INPP5D: variants seen among roughly 807,000 people sequenced by gnomAD.
INPP5D encodes the protein phosphatidylinositol 3,4,5-trisphosphate 5-phosphatase 1.
Under a neutral mutation model 122.9 loss-of-function variants are expected in INPP5D, and 33 were observed. That is an observed-to-expected ratio of 0.27 (90% CI 0.20 to 0.36). The LOEUF (loss-of-function observed/expected upper bound fraction) is 0.36. Among genes scored for constraint, INPP5D ranks in the 10% least tolerant of loss-of-function variants. The probability of loss-of-function intolerance (pLI) is 1.00; values close to 1 mark genes in which losing one functional copy is unlikely to be tolerated. For synonymous variants in INPP5D, 584 were observed against 576.2 expected, an observed-to-expected ratio of 1.01 and a Z score of -0.19; for missense variants, 1,053 against 1,412.7, an observed-to-expected ratio of 0.75 and a Z score of 4.08.
chr2:233,133,950 T>C (rs1258814561), intron 5 of INPP5D: 2 of 456,166 alleles, frequency 4.4e-6, no homozygotes, highest in Admixed American at 2.4e-5. Context: ...TCAACAGATA[T>C]TAGGTAAATG....
At chr2:233,104,420 T>C (rs1692408946) in intron 2 of INPP5D, among the ~76,000 whole-genome samples, 2 of 152,200 alleles carry the variant, frequency 1.3e-5, no homozygotes, top group African/African-American at 4.8e-5. Context: ...CTTTGCATGC[T>C]CGGTCACACT....
At position 233,184,398 on chromosome 2, in the gene INPP5D, CCT is replaced by C. The variant is rs771225713; in HGVS notation, c.2162-9_2162-8del. 2 of 1,613,704 alleles carry C rather than the reference CCT, an allele frequency of 1.2e-6. No homozygotes were observed. The highest frequency in any genetic ancestry group is 4.5e-5 in the East Asian group (2 of 44,858). ...TTGTGGAACTGAATCCGTGTTCTCC[CCT>C]GTTCCAGGTCCCGGGACTGTTGACA... On this transcript the variant is annotated splice_polypyrimidine_tract_variant and splice_region_variant and intron_variant, in intron 19 of 26. Transcript: ENST00000445964.
chr2:233,077,412 G>A (rs953289928), intron 1 of INPP5D, among the ~76,000 whole-genome samples: 10 of 152,132 alleles, frequency 6.6e-5, no homozygotes, highest in African/African-American at 2.2e-4. Flanking sequence ...TGTAATCCCA[G>A]CACTTTGGGA....
chr2:233,080,555 A>T (rs1691655431), intron 2 of INPP5D, among the ~76,000 whole-genome samples: 1 of 152,122 alleles, frequency 6.6e-6, no homozygotes, highest in Admixed American at 6.5e-5. Context: ...GCCGGGGTCG[A>T]CAAAGGTTTG....
At chr2:233,190,102 C>T (rs1423648481) in intron 22 of INPP5D, among the ~76,000 whole-genome samples, 165 bp downstream of exon 22, 1 of 152,198 alleles carries the variant, frequency 6.6e-6, no homozygotes, top group Non-Finnish European at 1.5e-5. Context: ...TCATCCTTCC[C>T]TCCCCACTAG....
At chr2:233,103,348 T>C (rs1278160399) in intron 2 of INPP5D, among the ~76,000 whole-genome samples, 3 of 152,234 alleles carry the variant, frequency 2.0e-5, no homozygotes, top group African/African-American at 7.2e-5. Context: ...TTTGCCTAAA[T>C]TGTACCTGAT....
At chr2:233,081,887 G>A (rs1280602784) in intron 2 of INPP5D, among the ~76,000 whole-genome samples, 1 of 152,112 alleles carries the variant, frequency 6.6e-6, no homozygotes, top group Non-Finnish European at 1.5e-5. Context: ...CAGCCTCCAC[G>A]GCTTTCTCCG....
intron 25 of INPP5D, among the ~76,000 whole-genome samples, chr2:233,203,004 T>A (rs148234739): frequency 4.6e-5 from 7 of 152,310 alleles, no homozygotes; most frequent in Non-Finnish European, 1.5e-5. Flanking sequence ...TAGGAGAGGC[T>A]TCCAGGGAGA....
At chr2:233,112,710 T>C (rs1282508132) in intron 2 of INPP5D, among the ~76,000 whole-genome samples, 1 of 152,182 alleles carries the variant, frequency 6.6e-6, no homozygotes, top group Non-Finnish European at 1.5e-5. Context: ...CTCACTCTGT[T>C]GCCTAGGCTG....
chr2:233,106,085 G>A (rs1372520964), intron 2 of INPP5D, among the ~76,000 whole-genome samples: 2 of 152,210 alleles, frequency 1.3e-5, no homozygotes, highest in Non-Finnish European at 2.9e-5. Flanking sequence ...ATGTCATGAA[G>A]TTTCAATAAG....
intron 3 of INPP5D, 90 bp downstream of exon 3, chr2:233,122,347 T>TA: frequency 7.4e-7 from 1 of 1,355,500 alleles, no homozygotes; most frequent in African/African-American, 1.5e-5. Flanking sequence ...TGAGTCCTAT[T>TA]ATCAGAGGGA....
At chr2:233,133,055 A>T (rs111758219) in intron 5 of INPP5D, among the ~76,000 whole-genome samples, 14 of 151,346 alleles carry the variant, frequency 9.3e-5, no homozygotes, top group Non-Finnish European at 1.8e-4. Context: ...CCCGAGTCCA[A>T]TGGAGAAGCT....
chr2:233,175,217 CAAAAA>C (rs1220185296), intron 17 of INPP5D, among the ~76,000 whole-genome samples: 4 of 68,616 alleles, frequency 5.8e-5, no homozygotes, highest in Non-Finnish European at 7.6e-5. Context: ...GACTCCATCT[CAAAAA>C]AAAAAAAAAA....
chr2:233,060,485 C>A lies in INPP5D; in HGVS notation c.7C>A (p.Pro3Thr). The A allele has an allele frequency of 6.2e-7, 1 of 1,607,812 alleles. No individual in the cohort carries two copies. The highest frequency in any genetic ancestry group is 2.2e-5 in the East Asian group (1 of 44,630). Residue 3 changes from proline to threonine, a missense_variant, in exon 1 of 27, where the codon CCC becomes ACC. By Grantham distance (38) the Pro-to-Thr change is conservative (BLOSUM62 -1). Coordinates refer to ENST00000445964, the MANE Select transcript of INPP5D (RefSeq NM_001017915.3). MV[P>T]CWNHGNITRS... is the part of the protein sequence containing the mutation. The stretch of plus-strand genomic sequence containing the variant: ...GAGGAGGCCCACGCCCACCATGGTC[C>A]CCTGCTGGAACCATGGCAACATCAC...
At chr2:233,130,684 C>A in intron 5 of INPP5D, 36 bp downstream of exon 5, 1 of 1,611,500 alleles carries the variant, frequency 6.2e-7, no homozygotes, top group Non-Finnish European at 8.5e-7. Context: ...CAGGTGGGGG[C>A]GGCCACCAGG....
intron 20 of INPP5D, among the ~76,000 whole-genome samples, chr2:233,185,255 C>T (rs892507415): frequency 5.3e-4 from 75 of 140,844 alleles, no homozygotes; most frequent in African/African-American, 1.9e-3. Context: ...CGTGTGCTGC[C>T]AGTTCTGCCC....
chr2:233,174,882 C>T (rs1036569720), intron 17 of INPP5D, among the ~76,000 whole-genome samples: 6 of 151,612 alleles, frequency 4.0e-5, no homozygotes, highest in African/African-American at 1.5e-4. Context: ...AGTAATTCCG[C>T]TTTGGTGTGT....
rs766322758 is a variant in INPP5D at position 233,204,594 on chromosome 2, G to T, written c.3444G>T (p.Pro1148=). The T allele has an allele frequency of 1.3e-6, 2 of 1,568,676 alleles. No individual in the cohort carries two copies. The highest frequency in any genetic ancestry group is 2.4e-5 in the East Asian group (1 of 42,044). Residue 1148 remains proline (P), a synonymous_variant, in exon 26 of 27, where the codon CCG becomes CCT. Coordinates refer to ENST00000445964, the MANE Select transcript of INPP5D (RefSeq NM_001017915.3). ...TPRPPLPVKS[P]AVLHLQHSKG... is the part of the protein sequence containing the mutation. ...GGCCGCCGCTGCCAGTCAAGAGCCCGGCGGTGCTGCACCTCCAGCACTCCA... is the reference window on the plus strand; with the variant it reads ...GGCCGCCGCTGCCAGTCAAGAGCCCTGCGGTGCTGCACCTCCAGCACTCCA...
chr2:233,100,285 C>T lies in INPP5D; in HGVS notation c.198+20887C>T, dbSNP rs573640778. On this transcript the variant is annotated intron_variant, in intron 2 of 26. Coordinates refer to ENST00000445964, the MANE Select transcript of INPP5D (RefSeq NM_001017915.3). The surrounding 1 kb of genome is among the most constrained non-coding windows in gnomAD (Gnocchi z 5.3). Reference sequence around the variant, plus strand: ...CCACTGAGCTATGATATTCATCAGACGCAACTAATTACCCAACTTGTGAGG... The same window carrying T: ...CCACTGAGCTATGATATTCATCAGATGCAACTAATTACCCAACTTGTGAGG... Among the ~76,000 whole-genome samples, 25 of 152,176 alleles carry T rather than the reference C, an allele frequency of 1.6e-4. No individual in the cohort carries two copies. The highest frequency in any genetic ancestry group is 2.8e-4 in the Non-Finnish European group (19 of 68,038).
Sources: gnomAD v4.1 joint callset for allele counts (sites outside exome capture counted in the v4.1 genomes callset) on GRCh38, gnomAD v4.1.1 for gene constraint, Gnocchi (gnomAD v3.1) non-coding constraint, MANE v1.5 for transcripts, NCBI Gene and HGNC (gene_info 2026-07-23, HGNC 2026-07-21) for gene names.